CNTN5: variants seen among roughly 807,000 people sequenced by gnomAD.
CNTN5 encodes contactin-5.
Under a neutral mutation model 129.1 loss-of-function variants are expected in CNTN5, and 77 were observed. The ratio of observed to expected loss-of-function variants is 0.60; its 90% CI spans 0.50 to 0.72. The LOEUF (loss-of-function observed/expected upper bound fraction) is 0.72. Ranked by LOEUF, CNTN5 falls within the 30% of genes least tolerant of loss-of-function variation. The probability of loss-of-function intolerance (pLI) is 0.00; values close to 1 mark genes in which losing one functional copy is unlikely to be tolerated. For missense variants in CNTN5, 1,478 were observed against 1,328.8 expected (o/e 1.11, Z -1.75); for synonymous variants, 509 against 465.6 (o/e 1.09, Z -1.20).
chr11:99,804,976 C>G (rs936933555), intron 3 of CNTN5, among the ~76,000 whole-genome samples: 2 of 151,808 alleles, frequency 1.3e-5, no homozygotes, highest in African/African-American at 4.8e-5. Flanking sequence ...AGGCTGAAAA[C>G]AAAACATGGC....
chr11:99,584,904 G>A (rs1949740911), intron 3 of CNTN5, among the ~76,000 whole-genome samples: 1 of 152,166 alleles, frequency 6.6e-6, no homozygotes, highest in Non-Finnish European at 1.5e-5. Flanking sequence ...GAACTGAGTA[G>A]GCCTGTTGCT....
chr11:100,152,709 AT>A (rs1385475014), intron 13 of CNTN5, among the ~76,000 whole-genome samples: 2 of 152,002 alleles, frequency 1.3e-5, no homozygotes, highest in African/African-American at 2.4e-5. Flanking sequence ...AACCTGTATT[AT>A]TTTTCACTAT....
chr11:99,625,836 A>G (rs1951107145), intron 3 of CNTN5, among the ~76,000 whole-genome samples: 1 of 151,870 alleles, frequency 6.6e-6, no homozygotes, highest in South Asian at 2.1e-4. Context: ...TGACGTAAGA[A>G]GTAGAAAGAT....
chr11:99,241,863 G>A (rs945239978), intron 1 of CNTN5, among the ~76,000 whole-genome samples: 14 of 152,026 alleles, frequency 9.2e-5, no homozygotes, highest in African/African-American at 3.4e-4. Context: ...TTGCTTTGTT[G>A]TTTATAATCC....
chr11:100,006,063 G>A lies in CNTN5; in HGVS notation c.980+3927G>A, dbSNP rs138921061. Among the ~76,000 whole-genome samples the A allele has an allele frequency of 1.0e-3, 153 of 152,236 alleles. 2 individuals are homozygous for A. The highest frequency in any genetic ancestry group is 3.4e-3 in the African/African-American group (140 of 41,538). On this transcript the variant is annotated intron_variant, in intron 9 of 24. Transcript: ENST00000524871. ...CACATGAATTTTTTGGTTTTCCAGAGCACACAGAAGTTATGTTTACATTAT... is the reference window on the plus strand; with the variant it reads ...CACATGAATTTTTTGGTTTTCCAGAACACACAGAAGTTATGTTTACATTAT...
At chr11:99,595,639 AGT>A (rs1315789999) in intron 3 of CNTN5, among the ~76,000 whole-genome samples, 1 of 152,272 alleles carries the variant, frequency 6.6e-6, no homozygotes, top group East Asian at 1.9e-4. Context: ...ATGAATTACC[AGT>A]GTTTTTCTCT....
chr11:99,071,490 C>T (rs1331980369), intron 1 of CNTN5, among the ~76,000 whole-genome samples: 3 of 151,872 alleles, frequency 2.0e-5, no homozygotes, highest in South Asian at 2.1e-4. Flanking sequence ...GAATTTTGCA[C>T]GTAATATATG....
At chr11:100,180,628 A>G (rs1342692359) in intron 13 of CNTN5, among the ~76,000 whole-genome samples, 2 of 152,032 alleles carry the variant, frequency 1.3e-5, no homozygotes, top group African/African-American at 2.4e-5. Context: ...ATAGATTGGT[A>G]CTTATCAATC....
At chr11:99,721,216 C>T (rs937615466) in intron 3 of CNTN5, among the ~76,000 whole-genome samples, 2 of 152,120 alleles carry the variant, frequency 1.3e-5, no homozygotes, top group Admixed American at 1.3e-4. Flanking sequence ...CTTTTGGCAT[C>T]ATGCTATTCT....
intron 1 of CNTN5, among the ~76,000 whole-genome samples, chr11:99,241,318 G>T (rs59115144): frequency 0.02 from 1,742 of 88,102 alleles, 52 homozygotes; most frequent in African/African-American, 0.07. Flanking sequence ...TTGATTGTTG[G>T]TTTTTTTTTT....
At chr11:99,772,179 G>A (rs1211055160) in intron 3 of CNTN5, among the ~76,000 whole-genome samples, 1 of 148,180 alleles carries the variant, frequency 6.7e-6, no homozygotes, top group African/African-American at 2.5e-5. Context: ...TTTTTGCCAT[G>A]TGCTAAGACA....
chr11:99,393,120 T>A (rs1181155696), intron 2 of CNTN5, among the ~76,000 whole-genome samples: 1 of 151,698 alleles, frequency 6.6e-6, no homozygotes, highest in Non-Finnish European at 1.5e-5. Context: ...ATAAGTAACA[T>A]GAGGCTAAAT....
At chr11:100,045,923 C>A (rs1454725140) in intron 9 of CNTN5, among the ~76,000 whole-genome samples, 1 of 152,022 alleles carries the variant, frequency 6.6e-6, no homozygotes, top group Admixed American at 6.6e-5. Flanking sequence ...AGAAAGACAT[C>A]AAACACTTTT....
intron 13 of CNTN5, among the ~76,000 whole-genome samples, chr11:100,100,836 A>T (rs1945195904): frequency 6.6e-6 from 1 of 152,092 alleles, no homozygotes; most frequent in South Asian, 2.1e-4. Context: ...AGCTTGCTAA[A>T]TTTCTCAATT....
chr11:99,327,187 G>C (rs74584470), intron 2 of CNTN5, among the ~76,000 whole-genome samples: 1 of 152,056 alleles, frequency 6.6e-6, no homozygotes, highest in Non-Finnish European at 1.5e-5. Flanking sequence ...AAAGACAACC[G>C]AACCACTGAA....
chr11:99,228,239 C>T (rs1015846597), intron 1 of CNTN5, among the ~76,000 whole-genome samples: 34 of 151,988 alleles, frequency 2.2e-4, no homozygotes, highest in Non-Finnish European at 4.4e-4. Flanking sequence ...ATGTGAACTT[C>T]CTTATCCAAA....
rs190124146 is a variant in CNTN5 at position 99,832,938 on chromosome 11, A to G, written c.278-11914A>G. 5.1e-3 allele frequency among the ~76,000 whole-genome samples: 781 copies of G among 152,232 alleles called. 14 individuals are homozygous for G. Among genetic ancestry groups the G allele is most frequent in the African/African-American group, 0.018 (741 of 41,532 alleles). ...GCATTAGATGTAATCCCTGAGAAAA[A>G]TAAGCACAGAAGTTGATGTAGATGT... On this transcript the variant is annotated intron_variant, in intron 4 of 24. Coordinates refer to ENST00000524871, the MANE Select transcript of CNTN5 (RefSeq NM_014361.4).
At chr11:99,107,307 A>G (rs1472428945) in intron 1 of CNTN5, among the ~76,000 whole-genome samples, 2 of 152,198 alleles carry the variant, frequency 1.3e-5, no homozygotes, top group African/African-American at 4.8e-5. Context: ...TATCTATAAC[A>G]TGAACAAATT....
intron 13 of CNTN5, among the ~76,000 whole-genome samples, chr11:100,161,863 ACACACACAC>A (rs764902343): frequency 6.7e-6 from 1 of 149,476 alleles, no homozygotes; most frequent in Non-Finnish European, 1.5e-5. Context: ...ACACACACAC[ACACACACAC>A]AAAACAAAAA....
Sources: gnomAD v4.1 joint callset for allele counts (sites outside exome capture counted in the v4.1 genomes callset) on GRCh38, gnomAD v4.1.1 for gene constraint, MANE v1.5 for transcripts, NCBI Gene and HGNC (gene_info 2026-07-23, HGNC 2026-07-21) for gene names.